Variants in GABRA3 observed in about 807,000 individuals in gnomAD.
GABRA3 encodes the protein gamma-aminobutyric acid type A receptor subunit alpha3, also known as gamma-aminobutyric acid receptor subunit alpha-3.
In GABRA3, 10 loss-of-function variants were observed where a neutral mutation model predicts 30.1. The observed-to-expected ratio is 0.33, with a 90% CI of 0.20 to 0.56. The LOEUF is 0.56. Among genes scored for constraint, GABRA3 ranks in the 20% least tolerant of loss-of-function variants. The pLI, the probability that GABRA3 is intolerant of heterozygous loss-of-function variation, is 0.89. For synonymous variants in GABRA3, 151 were observed against 146.8 expected (o/e 1.03, Z -0.21); for missense variants, 233 against 392.0 (o/e 0.59, Z 3.42).
chrX:152,249,856 A>G (rs1938522051), intron 5 of GABRA3, among the ~76,000 whole-genome samples: 1 of 111,140 alleles, frequency 9.0e-6, no homozygotes, highest in Non-Finnish European at 1.9e-5. Context: ...TTTAGGTCTC[A>G]GAAATCATTC....
At chrX:152,267,238 C>A (rs757427782) in intron 4 of GABRA3, among the ~76,000 whole-genome samples, 51 of 111,921 alleles carry the variant, frequency 4.6e-4, no homozygotes, top group African/African-American at 1.5e-3. Flanking sequence ...TGGATTTTAT[C>A]AAATTCTTTT....
intron 4 of GABRA3, among the ~76,000 whole-genome samples, chrX:152,265,314 GA>G (rs1938804162): frequency 9.0e-6 from 1 of 110,865 alleles, no homozygotes; most frequent in Non-Finnish European, 1.9e-5. Context: ...AACCACAATG[GA>G]AAAAAACCAG....
At chrX:152,326,181 C>T (rs1940054057) in intron 3 of GABRA3, among the ~76,000 whole-genome samples, 1 of 111,150 alleles carries the variant, frequency 9.0e-6, no homozygotes, top group South Asian at 3.8e-4. Flanking sequence ...ATGAACAAAG[C>T]CTCCAAGAAA....
chrX:152,278,584 C>T (rs1939136024), intron 4 of GABRA3, among the ~76,000 whole-genome samples: 2 of 111,604 alleles, frequency 1.8e-5, no homozygotes, highest in Non-Finnish European at 3.8e-5. Flanking sequence ...GTGCATGTGT[C>T]TTTATAGCAG....
chrX:152,338,921 T>G (rs1940273388), intron 3 of GABRA3, among the ~76,000 whole-genome samples: 1 of 111,986 alleles, frequency 8.9e-6, no homozygotes, highest in African/African-American at 3.2e-5. Context: ...GATGCTGTTT[T>G]GATTACTACA....
At chrX:152,448,776 T>G (rs1457260155) in intron 1 of GABRA3, among the ~76,000 whole-genome samples, 1 of 111,527 alleles carries the variant, frequency 9.0e-6, no homozygotes, top group Non-Finnish European at 1.9e-5. Context: ...TTCCTGCCAC[T>G]CAAATCTTCC....
chrX:152,223,606 C>T (rs555266116), intron 6 of GABRA3, among the ~76,000 whole-genome samples: 2 of 109,813 alleles, frequency 1.8e-5, no homozygotes, highest in African/African-American at 6.6e-5. Context: ...TTCAGACATA[C>T]GGTATTTTTC....
intron 3 of GABRA3, among the ~76,000 whole-genome samples, chrX:152,288,979 G>A (rs752035880): frequency 1.5e-3 from 163 of 109,959 alleles, no homozygotes; most frequent in African/African-American, 5.2e-3. Context: ...TGATCCTCAA[G>A]TGGTCTGCAC....
intron 1 of GABRA3, among the ~76,000 whole-genome samples, chrX:152,413,399 A>G (rs779422390): frequency 9.0e-6 from 1 of 111,684 alleles, no homozygotes; most frequent in African/African-American, 3.2e-5. Context: ...CATGAATATA[A>G]ACACAAAAAT....
Position 152,435,946 on chromosome X carries a change from A to C in GABRA3, c.-27+15200T>G, listed in dbSNP as rs772717699. On this transcript the variant is annotated intron_variant, in intron 1 of 9. Transcript: ENST00000370314. ...TAGCATCAAAAAGCATGTATTACTT[A>C]AGATAAATTTCACAAAATATATGCA... Among the ~76,000 whole-genome samples, 3 of 111,955 alleles carry C rather than the reference A, an allele frequency of 2.7e-5. No homozygotes were observed. In the East Asian group the frequency reaches 8.4e-4, roughly 31 times the overall value.
intron 5 of GABRA3, among the ~76,000 whole-genome samples, chrX:152,248,186 G>A (rs1938491009): frequency 9.1e-6 from 1 of 109,388 alleles, no homozygotes; most frequent in Non-Finnish European, 1.9e-5. Context: ...CTTCCAGAAT[G>A]CAACCAGGGA....
At chrX:152,224,650 G>A (rs1279479917) in intron 6 of GABRA3, 113 bp downstream of exon 6, 3 of 493,862 alleles carry the variant, frequency 6.1e-6, no homozygotes, top group Non-Finnish European at 1.0e-5. Context: ...ATACCAGCCC[G>A]GATTAAAGGC....
At chrX:152,342,653 G>A (rs1603244989) in intron 3 of GABRA3, among the ~76,000 whole-genome samples, 1 of 111,480 alleles carries the variant, frequency 9.0e-6, no homozygotes, top group East Asian at 2.8e-4. Flanking sequence ...TGGAATCATC[G>A]TGAATTCCAC....
At chrX:152,359,203 G>T (rs1023477557) in intron 2 of GABRA3, among the ~76,000 whole-genome samples, 1 of 111,150 alleles carries the variant, frequency 9.0e-6, no homozygotes, top group Non-Finnish European at 1.9e-5. Flanking sequence ...TTTTCGGATT[G>T]GTAGGCTTTT....
chrX:152,272,292 G>C (rs745454726), intron 4 of GABRA3, among the ~76,000 whole-genome samples: 1 of 112,436 alleles, frequency 8.9e-6, no homozygotes, highest in Non-Finnish European at 1.9e-5. Context: ...CCCACCTCTT[G>C]CATCGGCATG....
chrX:152,407,086 T>C (rs1929955783), intron 1 of GABRA3, among the ~76,000 whole-genome samples: 1 of 111,017 alleles, frequency 9.0e-6, no homozygotes, highest in Non-Finnish European at 1.9e-5. Flanking sequence ...TATGGGGCAA[T>C]ACAAAGAAGG....
chrX:152,366,814 T>C (rs775929631), intron 1 of GABRA3, among the ~76,000 whole-genome samples: 2 of 111,464 alleles, frequency 1.8e-5, no homozygotes, highest in South Asian at 7.6e-4. Context: ...GCAACCATAC[T>C]ATAGGAATTA....
chrX:152,296,786 A>G (rs1014966601), intron 3 of GABRA3, among the ~76,000 whole-genome samples: 1 of 106,818 alleles, frequency 9.4e-6, no homozygotes, highest in East Asian at 2.9e-4. Flanking sequence ...TGCAACCTCC[A>G]TCTCCTGGGC....
chrX:152,345,505 C>A (rs1940377352), intron 3 of GABRA3, 76 bp downstream of exon 3: 2 of 1,097,128 alleles, frequency 1.8e-6, no homozygotes, highest in East Asian at 6.1e-5. Context: ...ACTGAAGGCA[C>A]CTTATAACTG....
Sources: gnomAD v4.1 joint callset for allele counts (sites outside exome capture counted in the v4.1 genomes callset) on GRCh38, gnomAD v4.1.1 for gene constraint, MANE v1.5 for transcripts, NCBI Gene and HGNC (gene_info 2026-07-23, HGNC 2026-07-21) for gene names.